IL18RAP: variants seen among roughly 807,000 people sequenced by gnomAD.
The protein encoded by IL18RAP is interleukin-18 receptor accessory protein.
In IL18RAP, 37 loss-of-function variants were observed where a neutral mutation model predicts 58.1. The ratio of observed to expected loss-of-function variants is 0.64; its 90% CI spans 0.49 to 0.84. The LOEUF (loss-of-function observed/expected upper bound fraction) is 0.84. Among genes scored for constraint, IL18RAP ranks in the 40% least tolerant of loss-of-function variants. The pLI, the probability that IL18RAP is intolerant of heterozygous loss-of-function variation, is 0.00. For synonymous variants in IL18RAP, 268 were observed against 257.5 expected (o/e 1.04, Z -0.39); for missense variants, 667 against 704.8 (o/e 0.95, Z 0.61).
Position 102,423,325 on chromosome 2 carries a change from A to T in IL18RAP, c.48A>T (p.Arg16=). Residue 16 remains arginine, a synonymous_variant, in exon 1 of 10, where the codon CGA becomes CGT. Transcript: ENST00000687160. ...TTCTTTGGCTTGTTGCAGGAGAGCGAATTAAAGGATTTAATATTTCAGGTA... is the reference window on the plus strand; with the variant it reads ...TTCTTTGGCTTGTTGCAGGAGAGCGTATTAAAGGATTTAATATTTCAGGTA... ...WIFLWLVAGE[R]IKGFNISGCS... is the part of the protein sequence containing the mutation. The T allele has an allele frequency of 1.2e-6, 2 of 1,614,050 alleles. No homozygotes were observed. Among genetic ancestry groups the T allele is most frequent in the Non-Finnish European group, 1.7e-6 (2 of 1,179,930 alleles).
At position 102,452,263 on chromosome 2, in the gene IL18RAP, T is replaced by C; in HGVS notation, c.*82T>C. ...GAACTCACAGCTCTGTGTGTGTGTG[T>C]TCAGGCTGATAGGAAATTCAAAGAG... On this transcript the variant is annotated 3_prime_UTR_variant, in exon 10 of 10. Coordinates refer to ENST00000687160, the MANE Select transcript of IL18RAP (RefSeq NM_001393487.1). 1 of 1,286,904 alleles carries C rather than the reference T, an allele frequency of 7.8e-7. No individual in the cohort carries two copies. The allele number at this position is 1,286,904 out of a possible 1,614,324, so 79.7% of individuals were successfully genotyped here.
upstream of IL18RAP, chr2:102,419,794 C>G (rs956968391): frequency 6.6e-6 from 1 of 152,276 alleles, no homozygotes; most frequent in African/African-American, 2.4e-5. Context: ...CTAATACTTA[C>G]CAGGTATGTG....
At chr2:102,443,887 C>G (rs1233485022) in intron 6 of IL18RAP, among the ~76,000 whole-genome samples, 7 of 152,164 alleles carry the variant, frequency 4.6e-5, no homozygotes, top group Admixed American at 4.6e-4. Context: ...TTGTTGCTCT[C>G]TGGAGCACAG....
intron 6 of IL18RAP, among the ~76,000 whole-genome samples, chr2:102,443,722 C>T (rs1683246527): frequency 6.6e-6 from 1 of 152,018 alleles, no homozygotes; most frequent in African/African-American, 2.4e-5. Context: ...TAGAAAACCT[C>T]CAGGGGAAAT....
intron 3 of IL18RAP, among the ~76,000 whole-genome samples, chr2:102,429,756 G>A (rs1682213815): frequency 1.3e-5 from 2 of 151,886 alleles, no homozygotes; most frequent in African/African-American, 2.4e-5. Context: ...ACATGTTTTA[G>A]TACACTGTGT....
At chr2:102,448,754 G>A (rs984560894) in intron 8 of IL18RAP, among the ~76,000 whole-genome samples, 3 of 151,848 alleles carry the variant, frequency 2.0e-5, no homozygotes, top group Non-Finnish European at 4.4e-5. Flanking sequence ...GAGCTCAGGA[G>A]TTCAAGACCA....
intron 3 of IL18RAP, among the ~76,000 whole-genome samples, chr2:102,429,625 A>T (rs1178613737): frequency 7.0e-6 from 1 of 142,410 alleles, no homozygotes; most frequent in Non-Finnish European, 1.5e-5. Context: ...GGCTTCATTT[A>T]TTACCCTTTT....
chr2:102,419,101 T>A (rs546345533), upstream of IL18RAP, among the ~76,000 whole-genome samples: 2 of 152,322 alleles, frequency 1.3e-5, no homozygotes, highest in Admixed American at 1.3e-4. Flanking sequence ...AAAATTTACA[T>A]CTCCATATAT....
At chr2:102,442,543 G>A (rs996090578) in intron 5 of IL18RAP, among the ~76,000 whole-genome samples, 6 of 152,052 alleles carry the variant, frequency 3.9e-5, no homozygotes, top group Admixed American at 2.6e-4. Context: ...GAATTATAAG[G>A]TATTACCAGT....
At chr2:102,448,716 T>G (rs1683580831) in intron 8 of IL18RAP, among the ~76,000 whole-genome samples, 1 of 152,018 alleles carries the variant, frequency 6.6e-6, no homozygotes, top group South Asian at 2.1e-4. Flanking sequence ...TCCCAGCACT[T>G]TGGGAGGCCA....
chr2:102,421,554 A>T (rs188726527), upstream of IL18RAP, among the ~76,000 whole-genome samples: 2 of 152,318 alleles, frequency 1.3e-5, no homozygotes, highest in Admixed American at 1.3e-4. Flanking sequence ...CCACATCTTT[A>T]AAGGCCATTG....
intron 3 of IL18RAP, among the ~76,000 whole-genome samples, chr2:102,430,581 C>T (rs1397093221): frequency 6.6e-6 from 1 of 152,030 alleles, no homozygotes; most frequent in Admixed American, 6.5e-5. Context: ...CAGGCTGTTG[C>T]CATTTTGTAA....
intron 3 of IL18RAP, among the ~76,000 whole-genome samples, chr2:102,424,789 T>A (rs1408495397): frequency 6.6e-6 from 1 of 152,096 alleles, no homozygotes; most frequent in African/African-American, 2.4e-5. Flanking sequence ...AACACATAAG[T>A]CTTGAAGGGT....
At chr2:102,424,190 G>T (rs1331687213) in intron 2 of IL18RAP, 41 bp from the exon 3 acceptor site, 1 of 1,609,418 alleles carries the variant, frequency 6.2e-7, no homozygotes, top group African/African-American at 1.3e-5. Flanking sequence ...CTATTATCTA[G>T]ACAAAATATC....
At chr2:102,426,535 A>AT (rs57719300) in intron 3 of IL18RAP, among the ~76,000 whole-genome samples, 1 of 152,144 alleles carries the variant, frequency 6.6e-6, no homozygotes, top group Non-Finnish European at 1.5e-5. Context: ...TGGTCAATAG[A>AT]TTTTAAAAAA....
intron 4 of IL18RAP, 53 bp downstream of exon 4, chr2:102,437,415 A>C: frequency 1.3e-6 from 2 of 1,565,580 alleles, no homozygotes; most frequent in Non-Finnish European, 1.7e-6. Flanking sequence ...AATTAAAATT[A>C]TCTTCTTTTG....
At chr2:102,446,077 C>T (rs371126242) in intron 7 of IL18RAP, among the ~76,000 whole-genome samples, 5 of 152,138 alleles carry the variant, frequency 3.3e-5, no homozygotes, top group Admixed American at 3.3e-4. Flanking sequence ...AGATGGGACT[C>T]CTGGTCTCAG....
intron 3 of IL18RAP, among the ~76,000 whole-genome samples, chr2:102,436,785 ATGTGTGTGTATGTATATATATG>A (rs1432526345): frequency 7.2e-6 from 1 of 138,738 alleles, no homozygotes; most frequent in Non-Finnish European, 1.5e-5. Flanking sequence ...TGTTATATAT[ATGTGTGTGTATGTATATATATG>A]TGTGTGTGTG....
intron 5 of IL18RAP, among the ~76,000 whole-genome samples, chr2:102,442,991 A>T (rs577337807): frequency 7.3e-4 from 111 of 152,314 alleles, no homozygotes; most frequent in African/African-American, 2.7e-3. Flanking sequence ...TGGTTGAGAT[A>T]GAAGGATTGC....
Sources: allele counts gnomAD v4.1 joint callset (sites outside exome capture counted in the v4.1 genomes callset), GRCh38; gene constraint gnomAD v4.1.1; transcripts MANE v1.5; gene names NCBI Gene and HGNC (gene_info 2026-07-23, HGNC 2026-07-21).